TRPM6: variants seen among roughly 807,000 people sequenced by gnomAD.
TRPM6 encodes the protein transient receptor potential cation channel subfamily M member 6.
Under a neutral mutation model 247.6 loss-of-function variants are expected in TRPM6, and 111 were observed. The observed-to-expected ratio is 0.45, with a 90% CI of 0.38 to 0.52. The LOEUF is 0.52. TRPM6 is among the 20% of genes least tolerant of loss of function. The probability of loss-of-function intolerance (pLI) is 0.00; values close to 1 mark genes in which losing one functional copy is unlikely to be tolerated. For missense variants in TRPM6, 2,126 were observed against 2,421.5 expected, an observed-to-expected ratio of 0.88 and a Z score of 2.56; for synonymous variants, 892 against 853.8, an observed-to-expected ratio of 1.04 and a Z score of -0.78.
intron 14 of TRPM6, among the ~76,000 whole-genome samples, chr9:74,807,493 A>T (rs1192772577): frequency 6.6e-6 from 1 of 152,202 alleles, no homozygotes; most frequent in African/African-American, 2.4e-5. Context: ...ACTAACCAAC[A>T]ACTCTAATTT....
rs1409825258 is a variant in TRPM6, at chr9:74,784,337, G to A, written c.2920-1484C>T. Reference sequence around the variant, plus strand: ...AACTGTACGGCAAGCTCAGGTGACAGACTGGAGCTAGGTGGCCCAATTTTG... The same window carrying A: ...AACTGTACGGCAAGCTCAGGTGACAAACTGGAGCTAGGTGGCCCAATTTTG... On this transcript the variant is annotated intron_variant, in intron 21 of 38. Transcript: ENST00000360774. 2.0e-5 allele frequency among the ~76,000 whole-genome samples: 3 copies of A among 151,906 alleles called. No individual in the cohort carries two copies. The East Asian group carries it at 5.8e-4, about 29-fold the overall frequency.
Position 74,761,676 on chromosome 9 carries a change from C to A in TRPM6, c.4785+20G>T. 2 of 1,490,174 alleles carry A rather than the reference C, an allele frequency of 1.3e-6. No homozygotes were observed. Among genetic ancestry groups the A allele is most frequent in the Non-Finnish European group, 1.9e-6 (2 of 1,068,366 alleles). The allele number at this position is 1,490,174 out of a possible 1,614,324, so 92.3% of individuals were successfully genotyped here. ...CCTTGACTGCTCAAAACCTAAAAGACAGAATAACAGTACACTTACTGGCAC... is the reference window on the plus strand; with the variant it reads ...CCTTGACTGCTCAAAACCTAAAAGAAAGAATAACAGTACACTTACTGGCAC... On this transcript the variant is annotated intron_variant, in intron 27 of 38. Transcript: ENST00000360774.
chr9:74,867,391 A>G (rs1470564852), intron 1 of TRPM6, among the ~76,000 whole-genome samples: 1 of 152,214 alleles, frequency 6.6e-6, no homozygotes, highest in Non-Finnish European at 1.5e-5. Flanking sequence ...GACTGTGTGT[A>G]GACACTAGAG....
chr9:74,791,689 A>T (rs1827902619), intron 19 of TRPM6, among the ~76,000 whole-genome samples: 1 of 152,170 alleles, frequency 6.6e-6, no homozygotes, highest in Admixed American at 6.5e-5. Flanking sequence ...GAAGGCAAAA[A>T]AACCAAACAC....
intron 37 of TRPM6, among the ~76,000 whole-genome samples, chr9:74,728,664 G>T (rs558989983): frequency 6.6e-6 from 1 of 152,276 alleles, no homozygotes. Flanking sequence ...ATGCATATGG[G>T]GTGAAAGAGT....
At chr9:74,868,529 G>A (rs960119859) in intron 1 of TRPM6, among the ~76,000 whole-genome samples, 4 of 151,796 alleles carry the variant, frequency 2.6e-5, no homozygotes, top group Non-Finnish European at 5.9e-5. Context: ...AATAAAAAGT[G>A]TCCCAAATGC....
intron 24 of TRPM6, among the ~76,000 whole-genome samples, chr9:74,774,074 C>T (rs948342611): frequency 6.6e-6 from 1 of 152,182 alleles, no homozygotes; most frequent in Admixed American, 6.6e-5. Context: ...TAATTGTCCG[C>T]AAGGTGGCAC....
At chr9:74,787,430 T>C (rs1587505606) in intron 20 of TRPM6, among the ~76,000 whole-genome samples, 1 of 151,840 alleles carries the variant, frequency 6.6e-6, no homozygotes, top group East Asian at 1.9e-4. Flanking sequence ...AACAGAAATG[T>C]AAAATAGTAC....
chr9:74,762,357 G>T lies in TRPM6; in HGVS notation c.4314C>A (p.Ser1438=). 1 of 1,614,224 alleles carries T rather than the reference G, an allele frequency of 6.2e-7. No individual in the cohort carries two copies. The change falls in exon 26 of 39, where the codon TCC becomes TCA. Residue 1438 remains serine (S), a synonymous_variant. Transcript: ENST00000360774. ...GCATGATCTTGGCTTGGGAAAGAGG[G>T]GAGCTCATTGTCATGGGTTCAGGTG... The part of the protein sequence containing the change: ...SCTPEPMTMS[S]PLSQAKIMQT...
intron 31 of TRPM6, among the ~76,000 whole-genome samples, chr9:74,745,369 G>A (rs1826005061): frequency 6.6e-6 from 1 of 152,176 alleles, no homozygotes; most frequent in South Asian, 2.1e-4. Flanking sequence ...AGGAAGAGCA[G>A]TAATCAAAAC....
At chr9:74,823,132 C>T (rs1207337286) in intron 7 of TRPM6, among the ~76,000 whole-genome samples, 2 of 152,184 alleles carry the variant, frequency 1.3e-5, no homozygotes, top group African/African-American at 4.8e-5. Flanking sequence ...CAATGCCACA[C>T]TCACCCCTGA....
intron 1 of TRPM6, among the ~76,000 whole-genome samples, chr9:74,873,803 A>G (rs1831103701): frequency 6.6e-6 from 1 of 152,112 alleles, no homozygotes; most frequent in African/African-American, 2.4e-5. Context: ...GATCTTAAAA[A>G]TCTTTGAGAC....
chr9:74,744,141 G>T lies in TRPM6; in HGVS notation c.5088C>A (p.Ile1696=). Residue 1696 remains isoleucine (I), a synonymous_variant, in exon 32 of 39, where the codon ATC becomes ATA. Transcript: ENST00000360774. ...LLKSSIGVDK[I]SASLKSPQEP... ...CTTGAGGGCTTTTTAAGGAGGCTGAGATCTCTGAAATTAGAGAGGAGATTG... is the reference window on the plus strand; with the variant it reads ...CTTGAGGGCTTTTTAAGGAGGCTGATATCTCTGAAATTAGAGAGGAGATTG... 5 of 1,614,006 alleles carry T rather than the reference G, an allele frequency of 3.1e-6. No homozygotes were observed. The highest frequency in any genetic ancestry group is 4.2e-6 in the Non-Finnish European group (5 of 1,179,902).
Position 74,786,090 on chromosome 9 carries a change from C to A in TRPM6, c.2703G>T (p.Lys901Asn). The A allele has an allele frequency of 1.2e-6, 2 of 1,614,186 alleles. No individual in the cohort carries two copies. Among genetic ancestry groups the A allele is most frequent in the Non-Finnish European group, 1.7e-6 (2 of 1,180,022 alleles). The change falls in exon 21 of 39, where the codon AAG (lysine) becomes AAT (asparagine). Residue 901 changes from lysine (K) to asparagine (N), a missense_variant. By Grantham distance (94) the Lys-to-Asn change is moderately conservative. Around this residue, in one of 3 missense-constraint regions of TRPM6, gnomAD observed 1,082 missense variants for 1,307.9 expected, o/e 0.83. Transcript: ENST00000360774. ...AGTACTCACTAATCCATACCTTCACCTTTTGGGTAAACTTCCCAGGTTCTG... is the reference window on the plus strand; with the variant it reads ...AGTACTCACTAATCCATACCTTCACATTTTGGGTAAACTTCCCAGGTTCTG... ...CISEPGKFTQ[K>N]VKVWISEYWN...
intron 12 of TRPM6, 34 bp from the exon 13 acceptor site, chr9:74,810,902 T>G: frequency 3.2e-6 from 5 of 1,572,174 alleles, no homozygotes; most frequent in Non-Finnish European, 4.4e-6. Context: ...AATTATTCTC[T>G]TTAATTACCA....
chr9:74,794,461 A>G (rs957895141), intron 18 of TRPM6, among the ~76,000 whole-genome samples: 1 of 152,138 alleles, frequency 6.6e-6, no homozygotes, highest in Non-Finnish European at 1.5e-5. Context: ...GTTAGGATTG[A>G]CTTAGAAATG....
chr9:74,816,627 C>T, intron 11 of TRPM6, 42 bp downstream of exon 11: 1 of 1,534,988 alleles, frequency 6.5e-7, no homozygotes, highest in Non-Finnish European at 9.0e-7. Context: ...AACAGACCAT[C>T]ACACAAAATA....
At chr9:74,832,700 A>AAG (rs1365367293) in intron 6 of TRPM6, among the ~76,000 whole-genome samples, 2 of 152,174 alleles carry the variant, frequency 1.3e-5, no homozygotes, top group African/African-American at 4.8e-5. Context: ...GTACATAGAA[A>AAG]AGAGTTCATT....
chr9:74,839,663 A>C (rs1380130741), intron 5 of TRPM6, among the ~76,000 whole-genome samples: 1 of 152,030 alleles, frequency 6.6e-6, no homozygotes, highest in Non-Finnish European at 1.5e-5. Flanking sequence ...ACATTAAAAT[A>C]GTATATTCTG....
Sources: allele counts gnomAD v4.1 joint callset (sites outside exome capture counted in the v4.1 genomes callset), GRCh38; gene constraint gnomAD v4.1.1; regional missense constraint gnomAD v4.1.1; transcripts MANE v1.5; gene names NCBI Gene and HGNC (gene_info 2026-07-23, HGNC 2026-07-21).